Variants in CHRNA1 observed in about 807,000 individuals in gnomAD.
CHRNA1 encodes acetylcholine receptor subunit alpha.
A neutral mutation model predicts 47.1 loss-of-function variants in CHRNA1; 35 were observed. The observed-to-expected ratio is 0.74, with a 90% CI of 0.57 to 0.99. CHRNA1 has a LOEUF of 0.99. CHRNA1 is among the 50% of genes least tolerant of loss of function. CHRNA1 has a pLI of 0.00. For synonymous variants in CHRNA1, 229 were observed against 223.6 expected, an observed-to-expected ratio of 1.02 and a Z score of -0.22; for missense variants, 506 against 591.1, an observed-to-expected ratio of 0.86 and a Z score of 1.49.
intron 1 of CHRNA1, among the ~76,000 whole-genome samples, chr2:174,761,094 C>A (rs1684092423): frequency 6.6e-6 from 1 of 152,172 alleles, no homozygotes; most frequent in African/African-American, 2.4e-5. Context: ...TGGGCTAATT[C>A]TTGGTACTAA....
chr2:174,751,603 A>G (rs1252541249), intron 6 of CHRNA1, among the ~76,000 whole-genome samples: 1 of 152,148 alleles, frequency 6.6e-6, no homozygotes, highest in African/African-American at 2.4e-5. Flanking sequence ...AATGATAATA[A>G]TAATAGCCAA....
intron 3 of CHRNA1, 90 bp from the exon 4 acceptor site, chr2:174,757,765 A>G: frequency 8.4e-7 from 1 of 1,194,878 alleles, no homozygotes; most frequent in South Asian, 1.3e-5. Flanking sequence ...ATGGGAATTC[A>G]GTATTGACAG....
intron 5 of CHRNA1, 115 bp downstream of exon 5, chr2:174,754,104 A>T: frequency 1.0e-6 from 1 of 974,444 alleles, no homozygotes; most frequent in Non-Finnish European, 1.6e-6. Context: ...CCATCAAACT[A>T]GATGATTCCT....
chr2:174,757,241 G>T (rs549197874), intron 4 of CHRNA1, among the ~76,000 whole-genome samples: 2 of 152,062 alleles, frequency 1.3e-5, no homozygotes, highest in Admixed American at 6.6e-5. Flanking sequence ...CAATTTGGCC[G>T]CAGTAATCCC....
At chr2:174,757,379 C>T (rs760506557) in intron 4 of CHRNA1, among the ~76,000 whole-genome samples, 187 bp downstream of exon 4, 12 of 151,956 alleles carry the variant, frequency 7.9e-5, no homozygotes, top group Non-Finnish European at 1.5e-4. Flanking sequence ...TGATCTCAAA[C>T]TCCTGGCCTC....
chr2:174,755,471 G>A (rs1452505527), intron 4 of CHRNA1, among the ~76,000 whole-genome samples: 1 of 151,604 alleles, frequency 6.6e-6, no homozygotes, highest in Non-Finnish European at 1.5e-5. Context: ...CCAGGCTGGA[G>A]TGCAGTGGCG....
At chr2:174,763,219 C>T (rs1205604319) in intron 1 of CHRNA1, among the ~76,000 whole-genome samples, 1 of 152,078 alleles carries the variant, frequency 6.6e-6, no homozygotes, top group Non-Finnish European at 1.5e-5. Flanking sequence ...TTTTGGTTAG[C>T]AATAACCAAA....
At position 174,747,883 on chromosome 2, in the gene CHRNA1, A is replaced by T; in HGVS notation, c.*241T>A. The T allele has an allele frequency of 2.0e-6, 1 of 497,190 alleles. No individual in the cohort carries two copies. 30.8% of individuals were successfully genotyped at this position (497,190 alleles called of 1,614,324 possible). ...CTGGAAATGAACACTTTTTTTAGTGATTAGTTTCATTTACTAAAGAGGGTT... is the reference window on the plus strand; with the variant it reads ...CTGGAAATGAACACTTTTTTTAGTGTTTAGTTTCATTTACTAAAGAGGGTT... On this transcript the variant is annotated 3_prime_UTR_variant, in exon 9 of 9. Transcript: ENST00000348749.
Position 174,750,017 on chromosome 2 carries a change from T to C in CHRNA1, c.931A>G (p.Ile311Val). ...TGTGTGTTGATGACGATGACAGTGATGATGATGGAGGCAATGACGAACACC... is the reference window on the plus strand; with the variant it reads ...TGTGTGTTGATGACGATGACAGTGACGATGATGGAGGCAATGACGAACACC... ...TMVFVIASII[I>V]TVIVINTHHR... The change falls in exon 7 of 9, where the codon ATC becomes GTC. Residue 311 changes from isoleucine to valine, a missense_variant. Coordinates refer to ENST00000348749, the MANE Select transcript of CHRNA1 (RefSeq NM_000079.4). 1 of 1,614,096 alleles carries C rather than the reference T, an allele frequency of 6.2e-7. No homozygotes were observed. Among genetic ancestry groups the C allele is most frequent in the Non-Finnish European group, 8.5e-7 (1 of 1,180,024 alleles).
chr2:174,757,629 C>T lies in CHRNA1; in HGVS notation c.281G>A (p.Gly94Asp). 6.2e-7 allele frequency: 1 copy of T among 1,614,194 alleles called. No individual in the cohort carries two copies. Among genetic ancestry groups the T allele is most frequent in the Non-Finnish European group, 8.5e-7 (1 of 1,180,024 alleles). The part of the protein sequence containing the change: ...NLKWNPDDYG[G>D]VKKIHIPSEK... ...TGAAGGAATGTGAATTTTTTTCACA[C>T]CGCCATAGTCATCTGGATTCCATTT... Residue 94 changes from glycine to aspartate, a missense_variant, in exon 4 of 9, where the codon GGT becomes GAT. Coordinates refer to ENST00000348749, the MANE Select transcript of CHRNA1 (RefSeq NM_000079.4).
intron 1 of CHRNA1, among the ~76,000 whole-genome samples, chr2:174,762,341 A>C (rs947982318): frequency 6.6e-6 from 1 of 152,250 alleles, no homozygotes; most frequent in Admixed American, 6.5e-5. Context: ...AATCACAGTA[A>C]ATACTTTTGT....
chr2:174,753,430 T>C lies in CHRNA1; in HGVS notation c.778+73A>G, dbSNP rs903853714. ...CTGCCTGTTTGTTAGCACATGATTA[T>C]TTCTGGCTTCCCCAAAATAGCAGCA... is the stretch of plus-strand genomic sequence containing the variant. On this transcript the variant is annotated intron_variant, in intron 6 of 8. Coordinates refer to ENST00000348749, the MANE Select transcript of CHRNA1 (RefSeq NM_000079.4). The C allele has an allele frequency of 2.8e-6, 4 of 1,406,220 alleles. No individual in the cohort carries two copies. In the African/African-American group the frequency reaches 5.7e-5, roughly 20 times the overall value. 87.1% of individuals were successfully genotyped at this position (1,406,220 alleles called of 1,614,324 possible).
intron 1 of CHRNA1, among the ~76,000 whole-genome samples, chr2:174,760,061 A>T (rs1193756149): frequency 2.0e-5 from 3 of 152,212 alleles, no homozygotes; most frequent in African/African-American, 7.2e-5. Context: ...AACAGCCAAA[A>T]TTGATGCTGG....
chr2:174,754,377 CTT>C lies in CHRNA1; in HGVS notation c.380_381del (p.Lys127SerfsTer18), dbSNP rs1574007436. ...ATGTGGCCAGTGTACTGCAGGAGCA[CTT>C]TGGTGAACTTGACAATAGCAAAGTC... ...DGDFAIVKFT[K>X]VLLQYTGHIT... is the part of the protein sequence containing the mutation. On this transcript the variant is annotated frameshift_variant, in exon 5 of 9. Transcript: ENST00000348749. LOFTEE classifies it high-confidence loss of function. 6.2e-7 allele frequency: 1 copy of C among 1,614,118 alleles called. No individual in the cohort carries two copies. Among genetic ancestry groups the C allele is most frequent in the Non-Finnish European group, 8.5e-7 (1 of 1,180,030 alleles).
At chr2:174,749,217 A>C (rs1683798872) in intron 7 of CHRNA1, among the ~76,000 whole-genome samples, 1 of 152,220 alleles carries the variant, frequency 6.6e-6, no homozygotes, top group Non-Finnish European at 1.5e-5. Context: ...CAAAACAGCT[A>C]GATTGTTTTC....
Position 174,754,327 on chromosome 2 carries a change from A to C in CHRNA1, c.432T>G (p.Phe144Leu). The C allele has an allele frequency of 2.5e-6, 4 of 1,614,242 alleles. No individual in the cohort carries two copies. The highest frequency in any genetic ancestry group is 3.4e-6 in the Non-Finnish European group (4 of 1,180,044). ...GHITWTPPAI[F>L]KSYCEIIVTH... ...TGACGATGATCTCACAGTAGCTTTT[A>C]AAGATGGCTGGAGGTGTCCACGTGA... The change falls in exon 5 of 9, where the codon TTT (phenylalanine) becomes TTG (leucine). Residue 144 changes from phenylalanine (F) to leucine (L), a missense_variant. Phe to Leu is a conservative substitution (Grantham distance 22). Transcript: ENST00000348749.
At chr2:174,748,945 T>C (rs923841706) in intron 7 of CHRNA1, 126 bp from the exon 8 acceptor site, 1 of 1,259,264 alleles carries the variant, frequency 7.9e-7, no homozygotes, top group Non-Finnish European at 1.1e-6. Context: ...AGCCTCCTTG[T>C]CCTTAAAACA....
In CHRNA1 at chr2:174,748,046, A is replaced by C. The variant is rs1683765899; in HGVS notation, c.*78T>G. On this transcript the variant is annotated 3_prime_UTR_variant, in exon 9 of 9. Transcript: ENST00000348749. ...ACGTTTGATAAGTGCGAGTGGAGCA[A>C]GTAGACAAATCTTCCTCTCCTGCCC... 6.4e-7 allele frequency: 1 copy of C among 1,571,318 alleles called. No individual in the cohort carries two copies. Among genetic ancestry groups the C allele is most frequent in the Admixed American group, 1.7e-5 (1 of 59,710 alleles).
chr2:174,754,538 G>A, intron 4 of CHRNA1, 124 bp from the exon 5 acceptor site: 2 of 827,980 alleles, frequency 2.4e-6, no homozygotes, highest in East Asian at 2.6e-5. Flanking sequence ...CTCTGTTTCG[G>A]GCAGCGTCAC....
Sources: allele counts gnomAD v4.1 joint callset (sites outside exome capture counted in the v4.1 genomes callset), GRCh38; gene constraint gnomAD v4.1.1; transcripts MANE v1.5; gene names NCBI Gene and HGNC (gene_info 2026-07-23, HGNC 2026-07-21).